The following AUTS2 variants were observed in gnomAD, a reference collection of about 807,000 sequenced individuals.
The protein encoded by AUTS2 is autism susceptibility gene 2 protein.
A neutral mutation model predicts 112.4 loss-of-function variants in AUTS2; 17 were observed. The observed-to-expected ratio is 0.15, with a 90% CI of 0.10 to 0.23. The LOEUF is 0.23. AUTS2 is among the 10% of genes least tolerant of loss of function. AUTS2 has a pLI of 1.00. For synonymous variants in AUTS2, 751 were observed against 702.7 expected (o/e 1.07, Z -1.09); for missense variants, 1,510 against 1,701.6 (o/e 0.89, Z 1.98).
intron 1 of AUTS2, among the ~76,000 whole-genome samples, chr7:69,854,996 T>C (rs1289531617): frequency 6.6e-6 from 1 of 152,224 alleles, no homozygotes; most frequent in Non-Finnish European, 1.5e-5. Context: ...GTCTACTGTT[T>C]ACTTTTCAAT....
intron 1 of AUTS2, among the ~76,000 whole-genome samples, chr7:69,676,892 C>T (rs1268226005): frequency 1.9e-4 from 28 of 150,806 alleles, no homozygotes; most frequent in Non-Finnish European, 1.8e-4. Flanking sequence ...ATTTTTTTCA[C>T]AGAAGGGTAA....
rs115526643 is a variant in AUTS2 at position 70,541,190 on chromosome 7, G to T, written c.690+105409G>T. 8.8e-3 allele frequency among the ~76,000 whole-genome samples: 1,333 copies of T among 152,100 alleles called. 27 individuals are homozygous for T. The highest frequency in any genetic ancestry group is 0.031 in the African/African-American group (1,284 of 41,504). On this transcript the variant is annotated intron_variant, in intron 5 of 18. Transcript: ENST00000342771. ...TTTCAGCCATCCCTCCTATTGCTTG[G>T]TTTCCCAGCCCTGCATCCTTCTAAT...
At chr7:70,404,024 G>T (rs528898368) in intron 4 of AUTS2, among the ~76,000 whole-genome samples, 1 of 152,222 alleles carries the variant, frequency 6.6e-6, no homozygotes, top group South Asian at 2.1e-4. Context: ...AAGAAAAAGA[G>T]AATTTGAATG....
At chr7:69,824,471 G>A (rs1791151295) in intron 1 of AUTS2, 1 of 151,390 alleles carries the variant, frequency 6.6e-6, no homozygotes. Flanking sequence ...TCTGAGAACT[G>A]ATATCTTGTG....
At chr7:70,623,035 G>A (rs1563082800) in intron 5 of AUTS2, among the ~76,000 whole-genome samples, 1 of 152,166 alleles carries the variant, frequency 6.6e-6, no homozygotes, top group Non-Finnish European at 1.5e-5. Flanking sequence ...ATAGCAATTA[G>A]CAAGAGAGTG....
chr7:69,859,000 T>C (rs1355415662), intron 1 of AUTS2, among the ~76,000 whole-genome samples: 5 of 152,262 alleles, frequency 3.3e-5, no homozygotes, highest in African/African-American at 9.6e-5. Context: ...AGGACTGTTA[T>C]ATTAAACATT....
intron 2 of AUTS2, among the ~76,000 whole-genome samples, chr7:70,024,884 T>G (rs890421792): frequency 6.6e-6 from 1 of 152,230 alleles, no homozygotes; most frequent in African/African-American, 2.4e-5. Context: ...GTTAACTGAT[T>G]GTAGAAGTTA....
At chr7:69,978,488 C>G (rs1263527274) in intron 2 of AUTS2, among the ~76,000 whole-genome samples, 2 of 152,080 alleles carry the variant, frequency 1.3e-5, no homozygotes, top group Non-Finnish European at 2.9e-5. Context: ...TGCAGGAAAT[C>G]AGTACACTTT....
At chr7:70,328,031 T>G (rs1585022433) in intron 4 of AUTS2, among the ~76,000 whole-genome samples, 1 of 152,104 alleles carries the variant, frequency 6.6e-6, no homozygotes, top group East Asian at 1.9e-4. Context: ...ACTGCCTTGT[T>G]TTTGCCTCAA....
chr7:70,660,284 G>A (rs567427601), intron 5 of AUTS2, among the ~76,000 whole-genome samples: 6 of 152,264 alleles, frequency 3.9e-5, no homozygotes, highest in Admixed American at 3.9e-4. Flanking sequence ...ACTTCACCCT[G>A]GGTCAATGAG....
At chr7:69,626,729 C>T (rs902056488) in intron 1 of AUTS2, among the ~76,000 whole-genome samples, 3 of 152,214 alleles carry the variant, frequency 2.0e-5, no homozygotes, top group Admixed American at 6.5e-5. Flanking sequence ...TGTTTATTAC[C>T]TTTTATATGC....
At position 69,977,328 on chromosome 7, in the gene AUTS2, G is replaced by A. The variant is rs1167528097; in HGVS notation, c.522+77830G>A. 1.3e-5 allele frequency among the ~76,000 whole-genome samples: 2 copies of A among 152,134 alleles called. 1 individual carries two copies. Among genetic ancestry groups the A allele is most frequent in the Non-Finnish European group, 2.9e-5 (2 of 68,014 alleles). On this transcript the variant is annotated intron_variant, in intron 2 of 18. Coordinates refer to ENST00000342771, the MANE Select transcript of AUTS2 (RefSeq NM_015570.4). ...TCTGTCTTCGTGCCAGTACCACACT[G>A]TTTTGGTTACCACAGTTTTGTAATA... is the stretch of plus-strand genomic sequence containing the variant.
intron 4 of AUTS2, among the ~76,000 whole-genome samples, chr7:70,431,008 T>C (rs563296039): frequency 6.6e-6 from 1 of 151,900 alleles, no homozygotes; most frequent in Non-Finnish European, 1.5e-5. Context: ...GCTAATTTTT[T>C]TTGTATTTTT....
intron 2 of AUTS2, among the ~76,000 whole-genome samples, chr7:70,025,450 CTTTTT>C (rs970909285): frequency 1.5e-5 from 2 of 134,496 alleles, no homozygotes; most frequent in Non-Finnish European, 3.2e-5. Context: ...TTTTTGTTTC[CTTTTT>C]TTTTTTTTTT....
chr7:70,568,839 G>A (rs1261565618), intron 5 of AUTS2, among the ~76,000 whole-genome samples: 1 of 152,256 alleles, frequency 6.6e-6, no homozygotes, highest in Non-Finnish European at 1.5e-5. Context: ...AGAATGCCAA[G>A]TAAGCACATT....
intron 1 of AUTS2, among the ~76,000 whole-genome samples, chr7:69,671,486 G>GTGTGTGTGTGTGTGTGTGT (rs748832261): frequency 1.4e-5 from 2 of 138,518 alleles, no homozygotes; most frequent in East Asian, 2.2e-4. Flanking sequence ...TGCTGCTGCT[G>GTGTGTGTGTGTGTGTGTGT]GTGTGTGTGT....
intron 5 of AUTS2, among the ~76,000 whole-genome samples, chr7:70,557,672 G>A (rs117774083): frequency 2.0e-5 from 3 of 152,330 alleles, no homozygotes; most frequent in East Asian, 1.9e-4. Context: ...AATGCAGTTT[G>A]TGCAGATGGC....
intron 5 of AUTS2, among the ~76,000 whole-genome samples, chr7:70,583,793 CT>C (rs1243169669): frequency 1.2e-4 from 19 of 152,358 alleles, no homozygotes; most frequent in African/African-American, 4.3e-4. Context: ...AAAAAACTGC[CT>C]TCTGTCCCTC....
intron 4 of AUTS2, among the ~76,000 whole-genome samples, chr7:70,296,333 C>T (rs1367669294): frequency 6.6e-6 from 1 of 152,184 alleles, no homozygotes; most frequent in Non-Finnish European, 1.5e-5. Flanking sequence ...GCTGAATATT[C>T]AGAATCATTT....
Sources: allele counts gnomAD v4.1 joint callset (sites outside exome capture counted in the v4.1 genomes callset), GRCh38; gene constraint gnomAD v4.1.1; transcripts MANE v1.5; gene names NCBI Gene and HGNC (gene_info 2026-07-23, HGNC 2026-07-21).